Variants in SSUH2 observed in about 807,000 individuals in gnomAD.
The protein encoded by SSUH2 is ssu-2 homolog, also known as protein SSUH2 homolog.
In SSUH2, 47 loss-of-function variants were observed where a neutral mutation model predicts 55.3. The ratio of observed to expected loss-of-function variants is 0.85; its 90% CI spans 0.67 to 1.08. The LOEUF (loss-of-function observed/expected upper bound fraction) is 1.08. SSUH2 is among the 50% of genes least tolerant of loss of function. SSUH2 has a pLI of 0.00. For missense variants in SSUH2, 535 were observed against 490.7 expected (o/e 1.09, Z -0.85); for synonymous variants, 212 against 191.5 (o/e 1.11, Z -0.89).
At chr3:8,678,719 C>T (rs1229254244) in intron 2 of SSUH2, among the ~76,000 whole-genome samples, 1 of 67,178 alleles carries the variant, frequency 1.5e-5, no homozygotes, top group Non-Finnish European at 3.3e-5. Flanking sequence ...TTAGGACCCC[C>T]AACGTGGGGG....
At chr3:8,673,653 G>T (rs576930520) in intron 3 of SSUH2, among the ~76,000 whole-genome samples, 7 of 152,184 alleles carry the variant, frequency 4.6e-5, no homozygotes, top group Admixed American at 3.9e-4. Context: ...GCAAAAGGCG[G>T]AGAGGGCTCC....
rs117255523 is a variant in SSUH2 at position 8,658,058 on chromosome 3, C to A, written c.-307+867G>T. ...GAGCATCCACTCTGCAGTGAATGGGCCTGGGGTCAAACTGCATCCTAGCTG... is the reference window on the plus strand; with the variant it reads ...GAGCATCCACTCTGCAGTGAATGGGACTGGGGTCAAACTGCATCCTAGCTG... On this transcript the variant is annotated intron_variant, in intron 7 of 18. Transcript: ENST00000317371. Among the ~76,000 whole-genome samples the A allele has an allele frequency of 3.3e-5, 5 of 152,344 alleles. No homozygotes were observed. The East Asian group carries it at 9.7e-4, about 30-fold the overall frequency.
chr3:8,641,124 TC>T (rs1700757809), intron 1 of SSUH2, among the ~76,000 whole-genome samples: 1 of 152,086 alleles, frequency 6.6e-6, no homozygotes, highest in South Asian at 2.1e-4. Context: ...AGCTTAGACC[TC>T]CCCGTCTCCA....
chr3:8,680,631 T>C (rs1309435507), intron 1 of SSUH2, among the ~76,000 whole-genome samples: 2 of 152,078 alleles, frequency 1.3e-5, no homozygotes, highest in African/African-American at 2.4e-5. Context: ...TAATATCATC[T>C]TCTTCCCTCC....
chr3:8,658,117 C>A (rs378079), intron 7 of SSUH2, among the ~76,000 whole-genome samples: 1 of 152,228 alleles, frequency 6.6e-6, no homozygotes, highest in Non-Finnish European at 1.5e-5. Flanking sequence ...ACCTCTCTGA[C>A]CCTCAGCTTC....
chr3:8,660,056 C>T (rs1703322281), intron 6 of SSUH2, among the ~76,000 whole-genome samples: 1 of 152,208 alleles, frequency 6.6e-6, no homozygotes, highest in Non-Finnish European at 1.5e-5. Context: ...ACTCGGGTCC[C>T]AACAGGGAAG....
At chr3:8,644,293 A>G (rs536981951) in intron 1 of SSUH2, among the ~76,000 whole-genome samples, 16 of 152,360 alleles carry the variant, frequency 1.1e-4, no homozygotes, top group African/African-American at 3.4e-4. Flanking sequence ...TGTGATTGAA[A>G]TAAGAATCCT....
intron 6 of SSUH2, chr3:8,659,343 A>T (rs1021995607): frequency 6.6e-6 from 1 of 152,628 alleles, no homozygotes; most frequent in Admixed American, 6.5e-5. Flanking sequence ...CCTTTGGCCC[A>T]TCAGATTCCC....
intron 8 of SSUH2, among the ~76,000 whole-genome samples, chr3:8,626,555 C>T (rs1246047372): frequency 1.3e-5 from 2 of 149,862 alleles, no homozygotes; most frequent in African/African-American, 4.9e-5. Context: ...CCCTCCCCCA[C>T]CACTAAATTC....
intron 8 of SSUH2, chr3:8,626,843 G>A (rs1697682913): frequency 6.5e-6 from 1 of 152,694 alleles, no homozygotes; most frequent in African/African-American, 2.4e-5. Context: ...TCCTGGTGGT[G>A]TTGTTTAAGC....
intron 3 of SSUH2, among the ~76,000 whole-genome samples, chr3:8,674,341 G>A (rs1189197593): frequency 2.6e-5 from 4 of 152,312 alleles, no homozygotes; most frequent in Admixed American, 6.5e-5. Flanking sequence ...AGAAAACAAG[G>A]TGACTCAGAG....
At position 8,627,784 on chromosome 3, in the gene SSUH2, C is replaced by A; in HGVS notation, c.589-1G>T. 6.2e-7 allele frequency: 1 copy of A among 1,608,476 alleles called. No individual in the cohort carries two copies. Among genetic ancestry groups the A allele is most frequent in the Admixed American group, 1.7e-5 (1 of 59,114 alleles). On this transcript the variant is annotated splice_acceptor_variant, in intron 7 of 11. Transcript: ENST00000544814. LOFTEE classifies it high-confidence loss of function. The stretch of plus-strand genomic sequence containing the variant: ...CTCCGCAGCAGGATGGGCACCGCAC[C>A]TGCAGACACACCACTGCCTCAGCCC...
At chr3:8,674,642 T>A (rs1235377200) in intron 3 of SSUH2, among the ~76,000 whole-genome samples, 3 of 152,148 alleles carry the variant, frequency 2.0e-5, no homozygotes, top group Non-Finnish European at 4.4e-5. Context: ...AAGTCATTCA[T>A]CAGTTTTGGT....
At chr3:8,669,785 A>T (rs937984636) in intron 5 of SSUH2, among the ~76,000 whole-genome samples, 1 of 152,202 alleles carries the variant, frequency 6.6e-6, no homozygotes, top group Admixed American at 6.5e-5. Flanking sequence ...GGGACATTCT[A>T]TCAAATGCCT....
intron 7 of SSUH2, among the ~76,000 whole-genome samples, chr3:8,649,851 C>A (rs1702185144): frequency 1.3e-5 from 2 of 152,158 alleles, no homozygotes; most frequent in African/African-American, 4.8e-5. Context: ...GACAGCCCCT[C>A]CTCTGCTCAA....
exon 3 of SSUH2, chr3:8,677,267 C>CT (rs1176724645): frequency 1.3e-5 from 2 of 151,672 alleles, no homozygotes; most frequent in African/African-American, 4.9e-5. Context: ...AGGCAGGTAC[C>CT]TTACTTGGGA....
At chr3:8,634,477 G>T in intron 3 of SSUH2, 1 of 1,289,864 alleles carries the variant, frequency 7.8e-7, no homozygotes, top group Non-Finnish European at 1.0e-6. Flanking sequence ...TTTCTCCATG[G>T]CAGCCCTGAG....
intron 1 of SSUH2, among the ~76,000 whole-genome samples, chr3:8,681,062 G>C (rs534596834): frequency 1.8e-4 from 26 of 143,446 alleles, no homozygotes; most frequent in African/African-American, 6.0e-4. Flanking sequence ...TCCCCCGCTG[G>C]CTCTTAGGAC....
intron 3 of SSUH2, among the ~76,000 whole-genome samples, chr3:8,676,089 C>A (rs1391332175): frequency 1.3e-5 from 2 of 152,116 alleles, no homozygotes; most frequent in South Asian, 2.1e-4. Flanking sequence ...TGACTGAGAG[C>A]CAGCCCCTCT....
Sources: gnomAD v4.1 joint callset for allele counts (sites outside exome capture counted in the v4.1 genomes callset) on GRCh38, gnomAD v4.1.1 for gene constraint, MANE v1.5 for transcripts, NCBI Gene and HGNC (gene_info 2026-07-23, HGNC 2026-07-21) for gene names.